RBFOX1: variants seen among roughly 807,000 people sequenced by gnomAD.
The protein encoded by RBFOX1 is RNA binding fox-1 homolog 1.
Under a neutral mutation model 57.7 loss-of-function variants are expected in RBFOX1, and 8 were observed. That is an observed-to-expected ratio of 0.14 (90% confidence interval 0.08 to 0.25). The LOEUF (loss-of-function observed/expected upper bound fraction) is 0.25. RBFOX1 is among the 10% of genes least tolerant of loss of function. The probability of loss-of-function intolerance (pLI) is 1.00; values close to 1 mark genes in which losing one functional copy is unlikely to be tolerated. For missense variants in RBFOX1, 611 were observed against 548.5 expected (o/e 1.11, Z -1.14); for synonymous variants, 326 against 222.4 (o/e 1.47, Z -4.15).
At chr16:6,448,915 A>G (rs779530221) in intron 2 of RBFOX1, among the ~76,000 whole-genome samples, 2 of 152,192 alleles carry the variant, frequency 1.3e-5, no homozygotes, top group Non-Finnish European at 2.9e-5. Flanking sequence ...TTTAAATTTG[A>G]TTAAGATTTA....
intron 4 of RBFOX1, among the ~76,000 whole-genome samples, chr16:7,235,926 C>T (rs535041669): frequency 3.3e-5 from 5 of 152,154 alleles, no homozygotes; most frequent in African/African-American, 4.8e-5. Context: ...AATGTTCTCT[C>T]TTAATGACAG....
intron 1 of RBFOX1, among the ~76,000 whole-genome samples, chr16:6,144,954 G>C (rs1320641530): frequency 6.6e-6 from 1 of 152,142 alleles, no homozygotes; most frequent in Non-Finnish European, 1.5e-5. Flanking sequence ...TCTAGGAAAA[G>C]CCAAGAGAAG....
At chr16:6,220,860 T>A (rs1413932701) in intron 1 of RBFOX1, among the ~76,000 whole-genome samples, 1 of 152,152 alleles carries the variant, frequency 6.6e-6, no homozygotes, top group East Asian at 1.9e-4. Context: ...AACATTTAAC[T>A]TTTTTAAAAT....
At chr16:6,101,768 A>G (rs907147491) in intron 1 of RBFOX1, among the ~76,000 whole-genome samples, 1 of 152,176 alleles carries the variant, frequency 6.6e-6, no homozygotes, top group Non-Finnish European at 1.5e-5. Context: ...TAAAAATATA[A>G]ATTATTTTTA....
chr16:6,681,604 C>G (rs139926360), intron 3 of RBFOX1, among the ~76,000 whole-genome samples: 2,375 of 150,898 alleles, frequency 0.016, 35 homozygotes, highest in Non-Finnish European at 0.023. Context: ...TAGTTAAAGC[C>G]GTAAACAAAG....
rs572766412 is a variant in RBFOX1, at chr16:6,910,132, G to C, written c.-15-141925G>C. Among the ~76,000 whole-genome samples, 136 of 152,070 alleles carry C rather than the reference G, an allele frequency of 8.9e-4. 1 individual carries two copies. Among genetic ancestry groups the C allele is most frequent in the African/African-American group, 3.3e-3 (135 of 41,458 alleles). Reference sequence around the variant, plus strand: ...ACCTTGGTAGCGTGCAAAGAGATTGGGCATTCTAGCGGGGCTTTGATGGAA... The same window carrying C: ...ACCTTGGTAGCGTGCAAAGAGATTGCGCATTCTAGCGGGGCTTTGATGGAA... On this transcript the variant is annotated intron_variant, in intron 3 of 15. Coordinates refer to ENST00000550418, the MANE Select transcript of RBFOX1 (RefSeq NM_018723.4).
chr16:7,407,175 C>T (rs1041997575), intron 4 of RBFOX1, among the ~76,000 whole-genome samples: 7 of 152,122 alleles, frequency 4.6e-5, no homozygotes, highest in African/African-American at 1.4e-4. Context: ...GAGCAGTATA[C>T]ACTGAATCTG....
At chr16:6,166,872 C>G (rs934092721) in intron 1 of RBFOX1, among the ~76,000 whole-genome samples, 2 of 152,156 alleles carry the variant, frequency 1.3e-5, no homozygotes, top group Non-Finnish European at 2.9e-5. Flanking sequence ...CTCCCGGGTT[C>G]AAGCAATTCT....
chr16:7,496,862 T>C (rs1390398460), intron 4 of RBFOX1, among the ~76,000 whole-genome samples: 1 of 152,182 alleles, frequency 6.6e-6, no homozygotes, highest in Non-Finnish European at 1.5e-5. Flanking sequence ...TTAATTATTT[T>C]GCACTAGACA....
chr16:7,450,856 A>C (rs950123908), intron 4 of RBFOX1, among the ~76,000 whole-genome samples: 3 of 152,142 alleles, frequency 2.0e-5, no homozygotes, highest in Non-Finnish European at 4.4e-5. Context: ...CGACGGGCCC[A>C]GCATCAGCAG....
At chr16:5,645,607 G>T (rs1242615075) in intron 3 of RBFOX1, among the ~76,000 whole-genome samples, 1 of 152,190 alleles carries the variant, frequency 6.6e-6, no homozygotes, top group African/African-American at 2.4e-5. Flanking sequence ...ACATTGACCT[G>T]TTCCTTGATT....
At chr16:6,652,040 C>A (rs1238017983) in intron 2 of RBFOX1, among the ~76,000 whole-genome samples, 1 of 152,182 alleles carries the variant, frequency 6.6e-6, no homozygotes, top group African/African-American at 2.4e-5. Flanking sequence ...AATTCATATA[C>A]TGAAGTCGTA....
At chr16:7,403,119 A>G (rs1283482742) in intron 4 of RBFOX1, among the ~76,000 whole-genome samples, 1 of 152,146 alleles carries the variant, frequency 6.6e-6, no homozygotes, top group Non-Finnish European at 1.5e-5. Context: ...TAACAAATAT[A>G]AATTATGTAC....
intron 1 of RBFOX1, chr16:5,365,884 A>C (rs1290371528): frequency 4.0e-6 from 2 of 502,502 alleles, no homozygotes; most frequent in South Asian, 2.9e-5. Context: ...AAAGATGATC[A>C]CTTCAAGGTG....
intron 3 of RBFOX1, among the ~76,000 whole-genome samples, chr16:6,985,193 C>T (rs545638569): frequency 6.6e-6 from 1 of 152,186 alleles, no homozygotes; most frequent in East Asian, 1.9e-4. Flanking sequence ...TGATCACATT[C>T]TATTTTAATC....
In RBFOX1 at chr16:6,038,448, C is replaced by G. The variant is rs890466967; in HGVS notation, c.-127+18456C>G. On this transcript the variant is annotated intron_variant, in intron 1 of 15. Coordinates refer to ENST00000550418, the MANE Select transcript of RBFOX1 (RefSeq NM_018723.4). ...CTGCCCACCTCAGCCTGCCAAAGTG[C>G]TGGAATTACAGGTGTGAGCCACTGC... 24 of 149,740 alleles carry G rather than the reference C, an allele frequency of 1.6e-4. 1 individual carries two copies. The highest frequency in any genetic ancestry group is 4.4e-5 in the Non-Finnish European group (3 of 67,658). The allele number at this position is 149,740 out of a possible 1,614,324, so 9.3% of individuals were successfully genotyped here.
chr16:7,551,912 C>T (rs910915298), intron 5 of RBFOX1, among the ~76,000 whole-genome samples: 2 of 152,140 alleles, frequency 1.3e-5, no homozygotes, highest in Non-Finnish European at 2.9e-5. Flanking sequence ...GGATAAAGAA[C>T]AGCCCATCAT....
At chr16:5,869,999 A>G (rs914829266) in intron 4 of RBFOX1, among the ~76,000 whole-genome samples, 1 of 152,078 alleles carries the variant, frequency 6.6e-6, no homozygotes, top group Non-Finnish European at 1.5e-5. Flanking sequence ...ATCAAAAAAT[A>G]TTATCTATAG....
At chr16:6,046,848 C>T (rs2152427121) in intron 1 of RBFOX1, among the ~76,000 whole-genome samples, 2 of 152,248 alleles carry the variant, frequency 1.3e-5, no homozygotes, top group East Asian at 3.9e-4. Context: ...CCCAGAGGGA[C>T]ACATTGTGAG....
Sources: gnomAD v4.1 joint callset for allele counts (sites outside exome capture counted in the v4.1 genomes callset) on GRCh38, gnomAD v4.1.1 for gene constraint, MANE v1.5 for transcripts, NCBI Gene and HGNC (gene_info 2026-07-23, HGNC 2026-07-21) for gene names.